ANKRD12: variants seen among roughly 807,000 people sequenced by gnomAD.
The protein encoded by ANKRD12 is ankyrin repeat domain 12.
In ANKRD12, 85 loss-of-function variants were observed where a neutral mutation model predicts 183.4. That is an observed-to-expected ratio of 0.46 (90% CI 0.39 to 0.56). The LOEUF is 0.56. Among genes scored for constraint, ANKRD12 ranks in the 20% least tolerant of loss-of-function variants. The probability of loss-of-function intolerance (pLI) is 0.00; values close to 1 mark genes in which losing one functional copy is unlikely to be tolerated. For synonymous variants in ANKRD12, 914 were observed against 800.2 expected, an observed-to-expected ratio of 1.14 and a Z score of -2.40; for missense variants, 2,405 against 2,357.1, an observed-to-expected ratio of 1.02 and a Z score of -0.42.
At chr18:9,175,503 T>C (rs2033179236) in intron 1 of ANKRD12, among the ~76,000 whole-genome samples, 2 of 149,894 alleles carry the variant, frequency 1.3e-5, no homozygotes, top group African/African-American at 2.5e-5. Context: ...GATCACTTGA[T>C]CAGTTTTTCA....
intron 1 of ANKRD12, among the ~76,000 whole-genome samples, chr18:9,152,700 CATTT>C (rs1184500191): frequency 2.0e-5 from 3 of 151,956 alleles, no homozygotes; most frequent in East Asian, 3.8e-4. Context: ...ATTGAATGTT[CATTT>C]GTTTTCAAAG....
chr18:9,182,413 G>A lies in ANKRD12; in HGVS notation c.-20G>A, dbSNP rs1432213770. ...GATGAGAAGACTGATAAAAGAAGAA[G>A]CTAGCTGAACAGCTGTAAAATGCCC... is the stretch of plus-strand genomic sequence containing the variant. On this transcript the variant is annotated 5_prime_UTR_variant, in exon 2 of 13. Transcript: ENST00000262126. 3 of 1,559,936 alleles carry A rather than the reference G, an allele frequency of 1.9e-6. No individual in the cohort carries two copies. Among genetic ancestry groups the A allele is most frequent in the Non-Finnish European group, 2.6e-6 (3 of 1,139,156 alleles).
rs971078064 is a variant in ANKRD12, at chr18:9,271,646, T to C, written c.5764-3878T>C. Among the ~76,000 whole-genome samples, 34 of 152,196 alleles carry C rather than the reference T, an allele frequency of 2.2e-4. 1 individual carries two copies. Among genetic ancestry groups the C allele is most frequent in the Admixed American group, 2.2e-3 (34 of 15,276 alleles). On this transcript the variant is annotated intron_variant, in intron 10 of 12. Transcript: ENST00000262126. ...GTGCTGGGATTATAGGTATGAGCCATTGTGGCCAGCCAGGAATTTTGAAGA... is the reference window on the plus strand; with the variant it reads ...GTGCTGGGATTATAGGTATGAGCCACTGTGGCCAGCCAGGAATTTTGAAGA...
intron 1 of ANKRD12, among the ~76,000 whole-genome samples, chr18:9,171,218 C>G (rs887337705): frequency 1.3e-5 from 2 of 152,196 alleles, no homozygotes; most frequent in African/African-American, 4.8e-5. Context: ...AGAACCACTA[C>G]TGTCTTCAAA....
intron 3 of ANKRD12, among the ~76,000 whole-genome samples, chr18:9,201,510 C>T (rs925947290): frequency 6.6e-6 from 1 of 152,140 alleles, no homozygotes. Context: ...TTTCTTTATT[C>T]GTTCCCAAGA....
At chr18:9,265,313 G>T (rs536668136) in intron 10 of ANKRD12, among the ~76,000 whole-genome samples, 1 of 152,212 alleles carries the variant, frequency 6.6e-6, no homozygotes, top group Non-Finnish European at 1.5e-5. Context: ...ATCTGAGAAC[G>T]GACAGACTGC....
At chr18:9,277,087 G>A (rs1033816059) in intron 11 of ANKRD12, among the ~76,000 whole-genome samples, 5 of 152,174 alleles carry the variant, frequency 3.3e-5, no homozygotes, top group Non-Finnish European at 7.3e-5. Context: ...TTCTAGCTCA[G>A]AATGGTTGAG....
chr18:9,255,457 C>G lies in ANKRD12; in HGVS notation c.2190C>G (p.Ile730Met), dbSNP rs758057536. ...LEKKSKLEKNIKDDKSTKEKH... is the reference protein window; with the variant it reads ...LEKKSKLEKNMKDDKSTKEKH... ...AAAAATCAAAATTGGAAAAAAACAT[C>G]AAAGATGATAAATCAACCAAGGAAA... Residue 730 changes from isoleucine (I) to methionine (M), a missense_variant, in exon 9 of 13, where the codon ATC (isoleucine) becomes ATG (methionine). By Grantham distance (10) the Ile-to-Met change is conservative. Coordinates refer to ENST00000262126, the MANE Select transcript of ANKRD12 (RefSeq NM_015208.5). 2.6e-5 allele frequency: 40 copies of G among 1,566,210 alleles called. 1 individual carries two copies. The highest frequency in any genetic ancestry group is 1.7e-4 in the Middle Eastern group (1 of 5,840).
At chr18:9,229,200 C>T (rs535402385) in intron 8 of ANKRD12, among the ~76,000 whole-genome samples, 117 of 151,886 alleles carry the variant, frequency 7.7e-4, no homozygotes, top group African/African-American at 2.7e-3. Flanking sequence ...ACTGTGCTCT[C>T]TCAGTCCCTG....
In ANKRD12 at chr18:9,210,598, C is replaced by T. The variant is rs1036006795; in HGVS notation, c.452-986C>T. 5.9e-4 allele frequency among the ~76,000 whole-genome samples: 90 copies of T among 151,606 alleles called. 2 individuals are homozygous for T. Among genetic ancestry groups the T allele is most frequent in the Admixed American group, 5.6e-3 (85 of 15,204 alleles). Reference sequence around the variant, plus strand: ...TCAGCCGGGCATGGTGGCACACGCCCGTAATCCAGCCACTCGGGAGGCTGA... The same window carrying T: ...TCAGCCGGGCATGGTGGCACACGCCTGTAATCCAGCCACTCGGGAGGCTGA... On this transcript the variant is annotated intron_variant, in intron 5 of 12. Coordinates refer to ENST00000262126, the MANE Select transcript of ANKRD12 (RefSeq NM_015208.5).
intron 1 of ANKRD12, among the ~76,000 whole-genome samples, chr18:9,139,370 T>C (rs1420691043): frequency 6.6e-6 from 1 of 152,202 alleles, no homozygotes; most frequent in Non-Finnish European, 1.5e-5. Context: ...TGATACTCTT[T>C]TGAAGTAGAT....
intron 9 of ANKRD12, among the ~76,000 whole-genome samples, chr18:9,260,664 C>T (rs1305341450): frequency 6.6e-6 from 1 of 152,150 alleles, no homozygotes; most frequent in Non-Finnish European, 1.5e-5. Context: ...CTCAAGACTC[C>T]TGGGACCCAG....
At chr18:9,214,876 A>G (rs766485873) in intron 6 of ANKRD12, among the ~76,000 whole-genome samples, 1 of 152,152 alleles carries the variant, frequency 6.6e-6, no homozygotes, top group Non-Finnish European at 1.5e-5. Flanking sequence ...TTTTATGCGA[A>G]TGCAAGATTG....
intron 8 of ANKRD12, among the ~76,000 whole-genome samples, chr18:9,236,368 G>A (rs2037345656): frequency 6.6e-6 from 1 of 151,802 alleles, no homozygotes; most frequent in Non-Finnish European, 1.5e-5. Flanking sequence ...CAAACAGAAT[G>A]TTAACCCACC....
chr18:9,184,009 T>G (rs1032519342), intron 2 of ANKRD12, among the ~76,000 whole-genome samples: 3 of 152,210 alleles, frequency 2.0e-5, no homozygotes, highest in African/African-American at 7.2e-5. Flanking sequence ...ATACACATCC[T>G]AATTGATCAC....
chr18:9,266,820 G>A (rs2039315982), intron 10 of ANKRD12, among the ~76,000 whole-genome samples: 1 of 152,088 alleles, frequency 6.6e-6, no homozygotes, highest in African/African-American at 2.4e-5. Context: ...ACACAGACTG[G>A]CAAATTGGAT....
At chr18:9,155,137 TAAG>T (rs1241694061) in intron 1 of ANKRD12, among the ~76,000 whole-genome samples, 2 of 152,270 alleles carry the variant, frequency 1.3e-5, no homozygotes, top group East Asian at 1.9e-4. Context: ...GATTAAAAAA[TAAG>T]AAAGTTGCTT....
intron 10 of ANKRD12, among the ~76,000 whole-genome samples, chr18:9,269,429 C>T (rs899521253): frequency 4.6e-5 from 7 of 152,118 alleles, no homozygotes; most frequent in Non-Finnish European, 1.0e-4. Flanking sequence ...GAGATACAGA[C>T]CAATGGAACA....
intron 1 of ANKRD12, among the ~76,000 whole-genome samples, chr18:9,141,190 T>A (rs537889100): frequency 4.1e-5 from 6 of 145,470 alleles, no homozygotes; most frequent in Admixed American, 2.1e-4. Flanking sequence ...CAACCCTTTT[T>A]ATGAGATGCT....
Sources: gnomAD v4.1 joint callset for allele counts (sites outside exome capture counted in the v4.1 genomes callset) on GRCh38, gnomAD v4.1.1 for gene constraint, MANE v1.5 for transcripts, NCBI Gene and HGNC (gene_info 2026-07-23, HGNC 2026-07-21) for gene names.